The following UGGT2 variants were observed in gnomAD, a reference collection of about 807,000 sequenced individuals.
UGGT2 encodes the protein UDP-glucose:glycoprotein glucosyltransferase 2.
Under a neutral mutation model 192.1 loss-of-function variants are expected in UGGT2, and 180 were observed. That is an observed-to-expected ratio of 0.94 (90% confidence interval 0.83 to 1.06). The LOEUF (loss-of-function observed/expected upper bound fraction) is 1.06. Among genes scored for constraint, UGGT2 ranks in the 50% least tolerant of loss-of-function variants. The pLI, the probability that UGGT2 is intolerant of heterozygous loss-of-function variation, is 0.00. For synonymous variants in UGGT2, 580 were observed against 591.0 expected (o/e 0.98, Z 0.27); for missense variants, 1,849 against 1,795.7 (o/e 1.03, Z -0.54).
chr13:95,828,554 ACTAGAAAAT>A (rs1566555148), intron 38 of UGGT2, among the ~76,000 whole-genome samples: 1 of 152,156 alleles, frequency 6.6e-6, no homozygotes, highest in Non-Finnish European at 1.5e-5. Flanking sequence ...ACGCAAATAA[ACTAGAAAAT>A]CTAGAAGAAA....
intron 33 of UGGT2, among the ~76,000 whole-genome samples, chr13:95,858,150 CAG>C (rs1393712860): frequency 2.6e-5 from 4 of 151,792 alleles, no homozygotes; most frequent in Non-Finnish European, 5.9e-5. Context: ...TGTTTCATAT[CAG>C]GCCTATGCTA....
intron 20 of UGGT2, among the ~76,000 whole-genome samples, chr13:95,917,398 A>G (rs1344996515): frequency 6.6e-6 from 1 of 152,194 alleles, no homozygotes; most frequent in African/African-American, 2.4e-5. Context: ...GCCTTGCAAG[A>G]GCTTCTGAAG....
intron 1 of UGGT2, among the ~76,000 whole-genome samples, chr13:96,045,539 T>C (rs1301165431): frequency 1.3e-5 from 2 of 152,082 alleles, no homozygotes; most frequent in Non-Finnish European, 2.9e-5. Flanking sequence ...AAAGAGGAAG[T>C]CAAACTGTCG....
chr13:96,011,148 C>T (rs573478027), intron 5 of UGGT2, among the ~76,000 whole-genome samples: 2 of 151,966 alleles, frequency 1.3e-5, no homozygotes, highest in Non-Finnish European at 2.9e-5. Flanking sequence ...CTATAAAACG[C>T]TTAGAATAAA....
At chr13:96,039,237 A>AT (rs36047457) in intron 1 of UGGT2, among the ~76,000 whole-genome samples, 65,145 of 151,926 alleles carry the variant, frequency 0.43, 14,210 homozygotes, top group Non-Finnish European at 0.46. Flanking sequence ...AAGTAGCTCT[A>AT]TAGTCCATTT....
intron 14 of UGGT2, 31 bp from the exon 15 acceptor site, chr13:95,947,203 T>TA (rs2049901668): frequency 6.5e-7 from 1 of 1,546,582 alleles, no homozygotes; most frequent in African/African-American, 1.4e-5. Context: ...AGGACTGTTA[T>TA]AATTACCTCT....
intron 36 of UGGT2, among the ~76,000 whole-genome samples, chr13:95,847,075 T>C (rs1282901262): frequency 6.7e-6 from 1 of 148,272 alleles, no homozygotes; most frequent in East Asian, 2.0e-4. Context: ...TTTTTTTTTA[T>C]TTTACTGATT....
At chr13:95,962,736 C>A (rs2050438838) in intron 12 of UGGT2, among the ~76,000 whole-genome samples, 1 of 152,094 alleles carries the variant, frequency 6.6e-6, no homozygotes, top group African/African-American at 2.4e-5. Flanking sequence ...GACGAGGACA[C>A]AACAATAAAG....
At chr13:95,933,836 C>G (rs557635945) in intron 17 of UGGT2, among the ~76,000 whole-genome samples, 11 of 152,108 alleles carry the variant, frequency 7.2e-5, no homozygotes, top group African/African-American at 2.2e-4. Flanking sequence ...CACCAGCCAC[C>G]AGGCCCAGCT....
chr13:96,001,861 C>T (rs1318824360), intron 5 of UGGT2, among the ~76,000 whole-genome samples: 2 of 152,132 alleles, frequency 1.3e-5, no homozygotes, highest in African/African-American at 4.8e-5. Flanking sequence ...GGATAAAAAC[C>T]TTTATGATGA....
intron 7 of UGGT2, among the ~76,000 whole-genome samples, chr13:95,993,361 C>G (rs2051515380): frequency 6.6e-6 from 1 of 152,028 alleles, no homozygotes. Flanking sequence ...TGTAACAAAC[C>G]TGCACGTGTA....
rs756634266 is a variant in UGGT2 at position 95,859,610 on chromosome 13, T to G, written c.3806A>C (p.Tyr1269Ser). The change falls in exon 33 of 39, where the codon TAT becomes TCT. Residue 1269 changes from tyrosine (Y) to serine (S), a missense_variant. Physicochemically the swap from Tyr to Ser is moderately radical, Grantham distance 144. Coordinates refer to ENST00000376747, the MANE Select transcript of UGGT2 (RefSeq NM_020121.4). ...TPVKFWLLKN[Y>S]LSPTFKEVIP... ...ACTTACTTTAAATGTCGGTGAGAGATAATTTTTTAGCAACCAGAATTTCAC... is the reference window on the plus strand; with the variant it reads ...ACTTACTTTAAATGTCGGTGAGAGAGAATTTTTTAGCAACCAGAATTTCAC... The G allele has an allele frequency of 3.1e-6, 5 of 1,610,144 alleles. No individual in the cohort carries two copies. Among genetic ancestry groups the G allele is most frequent in the East Asian group, 2.2e-5 (1 of 44,672 alleles).
At chr13:95,998,297 AAG>A (rs1727958799) in intron 6 of UGGT2, among the ~76,000 whole-genome samples, 1 of 152,242 alleles carries the variant, frequency 6.6e-6, no homozygotes, top group African/African-American at 2.4e-5. Context: ...TCGTGACTAC[AAG>A]AGAGTAAATT....
intron 12 of UGGT2, 41 bp from the exon 13 acceptor site, chr13:95,949,495 C>A (rs769092659): frequency 7.2e-7 from 1 of 1,392,744 alleles, no homozygotes; most frequent in East Asian, 2.6e-5. Context: ...TATATTAACA[C>A]TGAAATCATT....
At chr13:96,017,510 C>A (rs2052375802) in intron 4 of UGGT2, among the ~76,000 whole-genome samples, 1 of 152,146 alleles carries the variant, frequency 6.6e-6, no homozygotes, top group Non-Finnish European at 1.5e-5. Flanking sequence ...CCAACTAAAC[C>A]TCTTTTACTT....
At chr13:95,894,159 CATGT>C (rs1001057487) in intron 24 of UGGT2, among the ~76,000 whole-genome samples, 2 of 152,092 alleles carry the variant, frequency 1.3e-5, no homozygotes, top group Admixed American at 6.6e-5. Context: ...CTCGCGCATG[CATGT>C]GTGTTTAGCT....
chr13:96,023,834 G>C, intron 2 of UGGT2, 75 bp from the exon 3 acceptor site: 1 of 1,248,558 alleles, frequency 8.0e-7, no homozygotes, highest in South Asian at 1.8e-5. Context: ...CCACTGTAAG[G>C]CTAACTTAAT....
In UGGT2 at chr13:95,939,991, A is replaced by T; in HGVS notation, c.1778T>A (p.Leu593Ter). The change falls in exon 16 of 39, where the codon TTG becomes TAG. Residue 593 changes from leucine (L) to a stop codon, truncating the protein, a stop_gained. Transcript: ENST00000376747. LOFTEE classifies it high-confidence loss of function. ...TFPHANIWDI[L>*]GIHSKYDEER... The stretch of plus-strand genomic sequence containing the variant: ...TTCATCATATTTAGAATGAATTCCC[A>T]AAATATCCCAAATATTAGCATGAGG... 6.2e-7 allele frequency: 1 copy of T among 1,601,936 alleles called. No individual in the cohort carries two copies. The highest frequency in any genetic ancestry group is 8.5e-7 in the Non-Finnish European group (1 of 1,175,378).
chr13:95,805,523 C>T (rs1424221737), intron 38 of UGGT2, among the ~76,000 whole-genome samples: 1 of 152,064 alleles, frequency 6.6e-6, no homozygotes. Flanking sequence ...TGAAAGCAAA[C>T]CAAATGTCCA....
Sources: allele counts gnomAD v4.1 joint callset (sites outside exome capture counted in the v4.1 genomes callset), GRCh38; gene constraint gnomAD v4.1.1; transcripts MANE v1.5; gene names NCBI Gene and HGNC (gene_info 2026-07-23, HGNC 2026-07-21).